The following BCL2L14 variants were observed in gnomAD, a reference collection of about 807,000 sequenced individuals.
The protein encoded by BCL2L14 is BCL2 like 14, also known as apoptosis facilitator Bcl-2-like protein 14.
A neutral mutation model predicts 35.3 loss-of-function variants in BCL2L14; 27 were observed. The ratio of observed to expected loss-of-function variants is 0.76; its 90% CI spans 0.56 to 1.05. The LOEUF (loss-of-function observed/expected upper bound fraction) is 1.05, where lower values mean the gene tolerates loss of function less well. BCL2L14 is among the 50% of genes least tolerant of loss of function. The pLI is 0.00. For synonymous variants in BCL2L14, 139 were observed against 145.9 expected (o/e 0.95, Z 0.34); for missense variants, 377 against 382.6 (o/e 0.99, Z 0.12).
intron 2 of BCL2L14, among the ~76,000 whole-genome samples, chr12:12,084,643 G>A (rs919707145): frequency 6.5e-5 from 5 of 77,114 alleles, no homozygotes; most frequent in Non-Finnish European, 1.5e-4. Context: ...TATCAGACAG[G>A]ACCAAGTCTG....
chr12:12,056,213 C>A (rs371174825), intron 2 of BCL2L14, among the ~76,000 whole-genome samples: 4 of 23,654 alleles, frequency 1.7e-4, no homozygotes, highest in African/African-American at 3.2e-4. Context: ...TGCAGTGGTC[C>A]GTCCCTACAC....
At chr12:12,080,801 T>C (rs1341121979) in intron 2 of BCL2L14, among the ~76,000 whole-genome samples, 1 of 152,074 alleles carries the variant, frequency 6.6e-6, no homozygotes, top group African/African-American at 2.4e-5. Flanking sequence ...GTAAAAGGAC[T>C]CTTGACAAAG....
At chr12:12,054,551 G>T (rs4763760) in intron 2 of BCL2L14, 122,523 of 151,282 alleles carry the variant, frequency 0.81, 49,731 homozygotes, top group East Asian at 0.98. Flanking sequence ...TGACCCAAGA[G>T]TCATACCTAG....
intron 2 of BCL2L14, among the ~76,000 whole-genome samples, chr12:12,054,270 A>G (rs1436062108): frequency 6.6e-6 from 1 of 152,188 alleles, no homozygotes; most frequent in African/African-American, 2.4e-5. Flanking sequence ...TGGAAGGCCA[A>G]GGCAGGTGGA....
upstream of BCL2L14, chr12:12,068,210 G>A (rs1030992931): frequency 3.3e-5 from 13 of 398,412 alleles, no homozygotes; most frequent in Admixed American, 8.8e-5. Flanking sequence ...CTCCCAAAGC[G>A]CTGGGATTGC....
At position 12,094,919 on chromosome 12, in the gene BCL2L14, C is replaced by G; in HGVS notation, c.934C>G (p.His312Asp). The change falls in exon 5 of 6, where the codon CAC becomes GAC. Residue 312 changes from histidine to aspartate, a missense_variant. Physicochemically the swap from His to Asp is moderately conservative, Grantham distance 81 (BLOSUM62 -1). Coordinates refer to ENST00000308721, the MANE Select transcript of BCL2L14 (RefSeq NM_138723.2). The stretch of plus-strand genomic sequence containing the variant: ...GAACTTCTCGCCATGGATCCAGCAG[C>G]ACGGTGGATGGGTAAGCGTATCCTA... ...KENFSPWIQQHGGWEKILGIS... is the reference protein window; with the variant it reads ...KENFSPWIQQDGGWEKILGIS... 1 of 1,613,464 alleles carries G rather than the reference C, an allele frequency of 6.2e-7. No homozygotes were observed. The highest frequency in any genetic ancestry group is 8.5e-7 in the Non-Finnish European group (1 of 1,180,018).
intron 5 of BCL2L14, 49 bp from the exon 6 acceptor site, chr12:12,098,901 C>T: frequency 7.5e-7 from 1 of 1,333,334 alleles, no homozygotes; most frequent in South Asian, 1.2e-5. Context: ...GTTTTCACTT[C>T]AACAGTAAAT....
At position 12,098,967 on chromosome 12, in the gene BCL2L14, A is replaced by T. The variant is rs1206700351; in HGVS notation, c.963A>T (p.Ile321=). 1 of 1,599,770 alleles carries T rather than the reference A, an allele frequency of 6.3e-7. No homozygotes were observed. Among genetic ancestry groups the T allele is most frequent in the East Asian group, 2.2e-5 (1 of 44,812 alleles). The change falls in exon 6 of 6, where the codon ATA becomes ATT. Residue 321 remains isoleucine (I), a synonymous_variant. Transcript: ENST00000308721. ...QHGGWEKILG[I]SHEEVD ...CCCTCTAGGAAAAAATACTTGGGATATCACATGAAGAAGTAGACTGAAATA... is the reference window on the plus strand; with the variant it reads ...CCCTCTAGGAAAAAATACTTGGGATTTCACATGAAGAAGTAGACTGAAATA...
At chr12:12,052,188 C>A (rs1428212802) in intron 2 of BCL2L14, among the ~76,000 whole-genome samples, 1 of 152,070 alleles carries the variant, frequency 6.6e-6, no homozygotes, top group East Asian at 1.9e-4. Flanking sequence ...ATGATTAAAT[C>A]AGGCTAATTA....
At chr12:12,057,548 G>A (rs1282413389) in intron 2 of BCL2L14, among the ~76,000 whole-genome samples, 4 of 151,898 alleles carry the variant, frequency 2.6e-5, no homozygotes, top group Admixed American at 6.6e-5. Flanking sequence ...ACCTGAGGTC[G>A]GGAGTTCGAG....
At chr12:12,081,121 A>G (rs746949148) in intron 2 of BCL2L14, among the ~76,000 whole-genome samples, 2 of 152,058 alleles carry the variant, frequency 1.3e-5, no homozygotes, top group African/African-American at 2.4e-5. Context: ...TGGGAAGTAG[A>G]GGTTGCAGTG....
intron 2 of BCL2L14, among the ~76,000 whole-genome samples, chr12:12,064,056 T>G (rs1179786370): frequency 1.3e-5 from 2 of 152,172 alleles, no homozygotes; most frequent in Admixed American, 1.3e-4. Flanking sequence ...AGTAGTCTCT[T>G]CACATGGACA....
At chr12:12,064,771 G>A (rs1025402775) in intron 2 of BCL2L14, among the ~76,000 whole-genome samples, 2 of 152,212 alleles carry the variant, frequency 1.3e-5, no homozygotes, top group Admixed American at 6.5e-5. Context: ...TGACTTAAGA[G>A]ATGGTATTAG....
chr12:12,059,696 T>C (rs1391716402), intron 2 of BCL2L14, among the ~76,000 whole-genome samples: 5 of 152,052 alleles, frequency 3.3e-5, no homozygotes, highest in Non-Finnish European at 7.4e-5. Flanking sequence ...CATTCCTCCT[T>C]CTTCTTCCTT....
intron 2 of BCL2L14, among the ~76,000 whole-genome samples, chr12:12,061,607 C>T (rs983850401): frequency 3.3e-5 from 5 of 152,048 alleles, no homozygotes; most frequent in African/African-American, 1.2e-4. Flanking sequence ...TACGTCCCTC[C>T]ACAACCCATT....
chr12:12,070,133 C>T (rs1021280819), upstream of BCL2L14, among the ~76,000 whole-genome samples: 6 of 152,150 alleles, frequency 3.9e-5, no homozygotes, highest in Admixed American at 1.3e-4. Context: ...TGACATTTGG[C>T]CTTTCAGTGG....
At chr12:12,056,214 GTC>G (rs1948431047) in intron 2 of BCL2L14, among the ~76,000 whole-genome samples, 1 of 23,726 alleles carries the variant, frequency 4.2e-5, no homozygotes, top group Admixed American at 6.2e-4. Context: ...GCAGTGGTCC[GTC>G]CCTACACCAA....
At chr12:12,079,833 T>C in intron 2 of BCL2L14, 95 bp downstream of exon 2, 6 of 1,286,126 alleles carry the variant, frequency 4.7e-6, no homozygotes, top group Non-Finnish European at 5.4e-6. Context: ...AAAGTGGCTT[T>C]AGAGAAGGCA....
Position 12,080,202 on chromosome 12 carries a change from C to CA in BCL2L14, c.433+477dup, listed in dbSNP as rs11298889. Among the ~76,000 whole-genome samples, 225 of 142,846 alleles carry CA rather than the reference C, an allele frequency of 1.6e-3. No homozygotes were observed. In the East Asian group the frequency reaches 0.017, roughly 11 times the overall value. 93.7% of individuals were successfully genotyped at this position (142,846 alleles called of 152,430 possible). A position where few individuals can be genotyped will look rare whatever the true frequency, so the allele number is the denominator to read the frequency against. ...CTTGGGTGACAGAGTGAGACTCCGTCAAAAAAAAAAAAATGACTAAAAGGA... is the reference window on the plus strand; with the variant it reads ...CTTGGGTGACAGAGTGAGACTCCGTCAAAAAAAAAAAAAATGACTAAAAGGA... On this transcript the variant is annotated intron_variant, in intron 2 of 5. Transcript: ENST00000308721.
Sources: allele counts gnomAD v4.1 joint callset (sites outside exome capture counted in the v4.1 genomes callset), GRCh38; gene constraint gnomAD v4.1.1; transcripts MANE v1.5; gene names NCBI Gene and HGNC (gene_info 2026-07-23, HGNC 2026-07-21).